The following DISP1 variants were observed in gnomAD, a reference collection of about 807,000 sequenced individuals.
DISP1 encodes the protein dispatched RND transporter family member 1.
In DISP1, 30 loss-of-function variants were observed where a neutral mutation model predicts 37.3. The ratio of observed to expected loss-of-function variants is 0.80; its 90% CI spans 0.60 to 1.09. The LOEUF is 1.09. Ranked by LOEUF, DISP1 falls within the 50% of genes least tolerant of loss-of-function variation. The pLI, the probability that DISP1 is intolerant of heterozygous loss-of-function variation, is 0.00. For synonymous variants in DISP1, 634 were observed against 690.2 expected (o/e 0.92, Z 1.28); for missense variants, 1,598 against 1,879.5 (o/e 0.85, Z 2.77).
intron 1 of DISP1, among the ~76,000 whole-genome samples, chr1:222,846,456 A>G (rs1211747817): frequency 1.3e-5 from 2 of 152,082 alleles, no homozygotes; most frequent in African/African-American, 2.4e-5. Context: ...GTGCCATTGC[A>G]CTCCAGCCTG....
In DISP1 at chr1:223,004,503, G is replaced by T; in HGVS notation, c.3106G>T (p.Val1036Leu). Residue 1036 changes from valine to leucine, a missense_variant, in exon 9 of 9, where the codon GTG (valine) becomes TTG (leucine). Physicochemically the swap from Val to Leu is conservative, Grantham distance 32 (BLOSUM62 1). Transcript: ENST00000675850. This position sits in a 1 kb window ranked among gnomAD's most constrained non-coding sequence, Gnocchi z 4.9. ...SLVLLGWELNVLESVTISVAV... is the reference protein window; with the variant it reads ...SLVLLGWELNLLESVTISVAV... ...TGTCCTGCTGGGCTGGGAGCTCAAT[G>T]TGTTGGAATCTGTCACCATTTCGGT... 6.2e-7 allele frequency: 1 copy of T among 1,614,224 alleles called. No homozygotes were observed. The highest frequency in any genetic ancestry group is 2.2e-5 in the East Asian group (1 of 44,882).
intron 3 of DISP1, among the ~76,000 whole-genome samples, chr1:222,950,146 T>C (rs1280343970): frequency 1.3e-5 from 2 of 152,084 alleles, no homozygotes; most frequent in Admixed American, 6.6e-5. Context: ...CTGTAGGTTA[T>C]TGAGGTTAGG....
In DISP1 at chr1:222,994,960, T is replaced by A. The variant is rs1678952796; in HGVS notation, c.965T>A (p.Met322Lys). ...TGGAATTTACCTGCAATTAAATCAA[T>A]GTGCAATGTAGATAATTCCAGGGTA... ...TLWNLPAIKSMCNVDNSRIRS... is the reference protein window; with the variant it reads ...TLWNLPAIKSKCNVDNSRIRS... Residue 322 changes from methionine to lysine, a missense_variant, in exon 8 of 9, where the codon ATG (methionine) becomes AAG (lysine). Coordinates refer to ENST00000675850, the MANE Select transcript of DISP1 (RefSeq NM_001377229.1). 1 of 1,612,800 alleles carries A rather than the reference T, an allele frequency of 6.2e-7. No homozygotes were observed. Among genetic ancestry groups the A allele is most frequent in the African/African-American group, 1.3e-5 (1 of 75,000 alleles).
chr1:223,005,015 G>C lies in DISP1; in HGVS notation c.3618G>C (p.Glu1206Asp), dbSNP rs559553543. Reference protein sequence around the residue: ...PLASHSCTAPEKTTYEETHIC... With the variant: ...PLASHSCTAPDKTTYEETHIC... ...CTTCCCACAGCTGCACTGCCCCTGA[G>C]AAGACCACTTATGAAGAGACCCACA... Residue 1206 changes from glutamate (E) to aspartate (D), a missense_variant, in exon 9 of 9, where the codon GAG (glutamate) becomes GAC (aspartate). Coordinates refer to ENST00000675850, the MANE Select transcript of DISP1 (RefSeq NM_001377229.1). 6.8e-6 allele frequency: 11 copies of C among 1,614,034 alleles called. No homozygotes were observed. Among genetic ancestry groups the C allele is most frequent in the Non-Finnish European group, 9.3e-6 (11 of 1,180,050 alleles).
At chr1:222,858,427 T>C (rs1417662849) in intron 1 of DISP1, among the ~76,000 whole-genome samples, 2 of 151,774 alleles carry the variant, frequency 1.3e-5, no homozygotes, top group Non-Finnish European at 2.9e-5. Context: ...CAGGCAAAGA[T>C]CCCATGATGA....
Position 222,992,129 on chromosome 1 carries a change from G to A in DISP1, c.889+19G>A. ...GTTCCAAGTGAGTGACATTGTAGAT[G>A]AACAAACCACTCAGCAGTTTGCTCG... On this transcript the variant is annotated intron_variant, in intron 7 of 8. Coordinates refer to ENST00000675850, the MANE Select transcript of DISP1 (RefSeq NM_001377229.1). 1 of 1,578,804 alleles carries A rather than the reference G, an allele frequency of 6.3e-7. No individual in the cohort carries two copies. Among genetic ancestry groups the A allele is most frequent in the South Asian group, 1.1e-5 (1 of 90,324 alleles).
chr1:222,942,907 C>G lies in DISP1; in HGVS notation c.84C>G (p.Leu28=). The change falls in exon 3 of 9, where the codon CTC becomes CTG. Residue 28 remains leucine (L), a synonymous_variant. Transcript: ENST00000675850. The part of the protein sequence containing the change: ...IATSAANPSP[L]TPCDGDHAAQ... Reference sequence around the variant, plus strand: ...CCAGTGCTGCTAACCCGAGTCCCCTCACCCCCTGTGATGGAGACCATGCAG... The same window carrying G: ...CCAGTGCTGCTAACCCGAGTCCCCTGACCCCCTGTGATGGAGACCATGCAG... 1 of 1,614,168 alleles carries G rather than the reference C, an allele frequency of 6.2e-7. No homozygotes were observed. The highest frequency in any genetic ancestry group is 8.5e-7 in the Non-Finnish European group (1 of 1,180,034).
chr1:222,952,002 A>C (rs907059775), intron 3 of DISP1, among the ~76,000 whole-genome samples: 1 of 152,246 alleles, frequency 6.6e-6, no homozygotes, highest in African/African-American at 2.4e-5. Context: ...GAACTAGACT[A>C]TACAGTTTTA....
intron 1 of DISP1, among the ~76,000 whole-genome samples, chr1:222,880,643 A>G (rs997128717): frequency 6.6e-6 from 1 of 152,222 alleles, no homozygotes; most frequent in African/African-American, 2.4e-5. Context: ...GGTCTTTCAA[A>G]GAGTGGGCAA....
At chr1:222,863,651 A>G (rs1319667414) in intron 1 of DISP1, among the ~76,000 whole-genome samples, 2 of 152,032 alleles carry the variant, frequency 1.3e-5, no homozygotes, top group Non-Finnish European at 2.9e-5. Flanking sequence ...TTCCACATTT[A>G]TTAGTTGGCA....
At chr1:222,903,247 A>G (rs1671707081) in intron 1 of DISP1, among the ~76,000 whole-genome samples, 1 of 142,236 alleles carries the variant, frequency 7.0e-6, no homozygotes, top group Non-Finnish European at 1.5e-5. Flanking sequence ...GAATTGAACA[A>G]CGAGAACACA....
At chr1:222,824,743 T>TG (rs1481098801) in intron 1 of DISP1, among the ~76,000 whole-genome samples, 2 of 152,026 alleles carry the variant, frequency 1.3e-5, no homozygotes, top group Admixed American at 6.6e-5. Flanking sequence ...CAGTTAATGG[T>TG]GGGGGGCTAT....
chr1:223,005,039 C>T lies in DISP1; in HGVS notation c.3642C>T (p.His1214=), dbSNP rs1244954666. The T allele has an allele frequency of 3.1e-6, 5 of 1,614,048 alleles. No homozygotes were observed. In the African/African-American group the frequency reaches 5.3e-5, roughly 17 times the overall value. The change falls in exon 9 of 9, where the codon CAC becomes CAT. Residue 1214 remains histidine, a synonymous_variant. Coordinates refer to ENST00000675850, the MANE Select transcript of DISP1 (RefSeq NM_001377229.1). The part of the protein sequence containing the change: ...APEKTTYEET[H]ICSEFFNSQA... ...AGAAGACCACTTATGAAGAGACCCA[C>T]ATCTGCTCTGAATTTTTCAACAGCC...
intron 2 of DISP1, 135 bp from the exon 3 acceptor site, chr1:222,942,672 G>A (rs984443766): frequency 3.6e-5 from 36 of 989,858 alleles, no homozygotes; most frequent in East Asian, 5.1e-5. Context: ...CAGATGCTGC[G>A]GAATTTCTAC....
At chr1:222,980,023 G>T (rs751362816) in intron 3 of DISP1, among the ~76,000 whole-genome samples, 1 of 152,138 alleles carries the variant, frequency 6.6e-6, no homozygotes, top group Non-Finnish European at 1.5e-5. Context: ...GCTGAATTAG[G>T]CATGGAAGAG....
chr1:222,868,448 C>G (rs554637034), intron 1 of DISP1, among the ~76,000 whole-genome samples: 13 of 152,142 alleles, frequency 8.5e-5, no homozygotes, highest in African/African-American at 2.9e-4. Flanking sequence ...TAATAACATT[C>G]ATTATATCAT....
At chr1:222,993,743 A>G (rs1196865810) in intron 7 of DISP1, among the ~76,000 whole-genome samples, 1 of 152,228 alleles carries the variant, frequency 6.6e-6, no homozygotes, top group Non-Finnish European at 1.5e-5. Flanking sequence ...AACATCTGTT[A>G]GTTATGATCT....
chr1:222,911,859 G>A (rs1383055417), intron 1 of DISP1, among the ~76,000 whole-genome samples: 1 of 152,132 alleles, frequency 6.6e-6, no homozygotes, highest in African/African-American at 2.4e-5. Flanking sequence ...AACTTGTAAT[G>A]TGCCAACATA....
intron 1 of DISP1, among the ~76,000 whole-genome samples, chr1:222,854,810 A>G (rs193212321): frequency 6.6e-6 from 1 of 152,040 alleles, no homozygotes; most frequent in East Asian, 1.9e-4. Flanking sequence ...TGAAACCCAA[A>G]TGTTAAGGAG....
Sources: allele counts gnomAD v4.1 joint callset (sites outside exome capture counted in the v4.1 genomes callset), GRCh38; gene constraint gnomAD v4.1.1; non-coding constraint Gnocchi (gnomAD v3.1); transcripts MANE v1.5; gene names NCBI Gene and HGNC (gene_info 2026-07-23, HGNC 2026-07-21).